BANK1: variants seen among roughly 807,000 people sequenced by gnomAD.
The protein encoded by BANK1 is B-cell scaffold protein with ankyrin repeats.
In BANK1, 95 loss-of-function variants were observed where a neutral mutation model predicts 94.5. The observed-to-expected ratio is 1.00, with a 90% CI of 0.85 to 1.19. The LOEUF (loss-of-function observed/expected upper bound fraction) is 1.19, where lower values mean the gene tolerates loss of function less well. BANK1 is among the 50% of genes most tolerant of loss of function. BANK1 has a pLI of 0.00. For synonymous variants in BANK1, 334 were observed against 308.4 expected, an observed-to-expected ratio of 1.08 and a Z score of -0.87; for missense variants, 987 against 932.2, an observed-to-expected ratio of 1.06 and a Z score of -0.77.
At chr4:102,058,101 T>C (rs1032908162) in intron 11 of BANK1, among the ~76,000 whole-genome samples, 1 of 152,268 alleles carries the variant, frequency 6.6e-6, no homozygotes, top group African/African-American at 2.4e-5. Context: ...AAATATTTTC[T>C]ATTTTAATTA....
At position 102,074,064 on chromosome 4, in the gene BANK1, G is replaced by A. The variant is rs1290236922; in HGVS notation, c.*65G>A. On this transcript the variant is annotated 3_prime_UTR_variant, in exon 17 of 17. Coordinates refer to ENST00000322953, the MANE Select transcript of BANK1 (RefSeq NM_017935.5). ...TTTGCTTTCAGGGTGAAGCAAGCTT[G>A]AATTTGGATTGCCTGCTCTCTTTAA... 9.7e-6 allele frequency: 2 copies of A among 205,606 alleles called. No individual in the cohort carries two copies. Among genetic ancestry groups the A allele is most frequent in the East Asian group, 2.6e-4 (2 of 7,666 alleles). 12.7% of individuals were successfully genotyped at this position (205,606 alleles called of 1,614,324 possible). A position where few individuals can be genotyped will look rare whatever the true frequency, so the allele number is the denominator to read the frequency against.
intron 13 of BANK1, among the ~76,000 whole-genome samples, chr4:102,065,129 T>TAAG (rs1282485516): frequency 6.6e-6 from 1 of 152,216 alleles, no homozygotes; most frequent in Non-Finnish European, 1.5e-5. Flanking sequence ...TGGGAGTGTT[T>TAAG]AAGTTCTGGC....
At chr4:101,826,670 T>G (rs1053645387) in intron 1 of BANK1, among the ~76,000 whole-genome samples, 21 of 152,122 alleles carry the variant, frequency 1.4e-4, no homozygotes, top group African/African-American at 4.6e-4. Context: ...GATGAGATAC[T>G]ACACTACTAT....
At chr4:102,059,086 T>C (rs1361888694) in intron 11 of BANK1, among the ~76,000 whole-genome samples, 1 of 152,344 alleles carries the variant, frequency 6.6e-6, no homozygotes, top group East Asian at 1.9e-4. Flanking sequence ...CAATCAATCC[T>C]AGTTATATCA....
chr4:101,894,072 G>A (rs1341794722), intron 5 of BANK1, among the ~76,000 whole-genome samples: 1 of 152,044 alleles, frequency 6.6e-6, no homozygotes, highest in African/African-American at 2.4e-5. Flanking sequence ...GCCTTTGCTG[G>A]CCAGTTCTTT....
At chr4:102,032,600 C>T (rs1027533270) in intron 10 of BANK1, among the ~76,000 whole-genome samples, 7 of 151,918 alleles carry the variant, frequency 4.6e-5, no homozygotes, top group African/African-American at 1.2e-4. Flanking sequence ...AATGAAGCAC[C>T]GGCCGGGCAT....
chr4:101,794,478 A>T lies in BANK1; in HGVS notation c.70+3528A>T, dbSNP rs559322126. 3.2e-4 allele frequency among the ~76,000 whole-genome samples: 49 copies of T among 152,288 alleles called. 1 individual carries two copies. The South Asian group carries it at 9.7e-3, about 30-fold the overall frequency. ...CTGCTTTCTTCATAGAATATAGAGT[A>T]TCTTGCAGTAATTTTGGAGATAGCT... is the stretch of plus-strand genomic sequence containing the variant. On this transcript the variant is annotated intron_variant, in intron 1 of 16. Transcript: ENST00000322953.
intron 2 of BANK1, among the ~76,000 whole-genome samples, chr4:101,847,753 ACAC>A (rs1727307021): frequency 6.6e-6 from 1 of 151,120 alleles, no homozygotes; most frequent in Non-Finnish European, 1.5e-5. Context: ...ACACACACAC[ACAC>A]ACACACACAC....
chr4:102,060,450 A>C, intron 12 of BANK1, 61 bp downstream of exon 12: 1 of 1,532,050 alleles, frequency 6.5e-7, no homozygotes, highest in Non-Finnish European at 8.7e-7. Flanking sequence ...TAGTTTGTTA[A>C]TGTTTAATTT....
intron 7 of BANK1, among the ~76,000 whole-genome samples, chr4:101,980,418 G>A (rs1052565777): frequency 1.3e-4 from 19 of 151,392 alleles, no homozygotes; most frequent in Non-Finnish European, 2.4e-4. Context: ...ATAATAAAAT[G>A]CCATATATAT....
intron 2 of BANK1, among the ~76,000 whole-genome samples, chr4:101,847,179 C>T (rs1727279765): frequency 6.9e-6 from 1 of 145,764 alleles, no homozygotes; most frequent in South Asian, 2.2e-4. Context: ...ATATTATTGC[C>T]TGCCTCTTGG....
intron 14 of BANK1, 82 bp downstream of exon 14, chr4:102,071,386 A>C: frequency 7.4e-7 from 1 of 1,350,026 alleles, no homozygotes; most frequent in Non-Finnish European, 1.1e-6. Flanking sequence ...TGTAAACCTA[A>C]TGTGATTAAG....
chr4:101,796,161 TGAAAAAACTGAG>T, intron 1 of BANK1, among the ~76,000 whole-genome samples: 1 of 152,322 alleles, frequency 6.6e-6, no homozygotes, highest in East Asian at 1.9e-4. Flanking sequence ...GAAACTGTGA[TGAAAAAACTGAG>T]GAGACCGAAA....
At chr4:101,933,455 C>G (rs1004056549) in intron 7 of BANK1, among the ~76,000 whole-genome samples, 5 of 151,494 alleles carry the variant, frequency 3.3e-5, no homozygotes, top group Non-Finnish European at 5.9e-5. Context: ...GCCCATTACA[C>G]AAGGGTTGTT....
intron 7 of BANK1, among the ~76,000 whole-genome samples, chr4:102,000,322 CAA>C (rs3974642): frequency 0.037 from 2,412 of 66,024 alleles, 27 homozygotes; most frequent in African/African-American, 0.12. Flanking sequence ...AACTCTGTCT[CAA>C]AAAAAAAAAA....
intron 2 of BANK1, among the ~76,000 whole-genome samples, chr4:101,853,511 G>A (rs1205927736): frequency 6.6e-6 from 1 of 152,106 alleles, no homozygotes; most frequent in Non-Finnish European, 1.5e-5. Flanking sequence ...TAAAGAGAAG[G>A]CACATCAGGG....
At chr4:101,997,145 G>T (rs1384853125) in intron 7 of BANK1, among the ~76,000 whole-genome samples, 1 of 152,154 alleles carries the variant, frequency 6.6e-6, no homozygotes, top group Non-Finnish European at 1.5e-5. Flanking sequence ...ATGAAAGGGT[G>T]TTGAATTTTT....
intron 1 of BANK1, among the ~76,000 whole-genome samples, chr4:101,827,985 A>C (rs942018105): frequency 6.6e-6 from 1 of 151,906 alleles, no homozygotes; most frequent in African/African-American, 2.4e-5. Flanking sequence ...CTCTTCTCTT[A>C]TTCTCCAGGA....
At chr4:101,807,807 G>A (rs1053169893) in intron 1 of BANK1, among the ~76,000 whole-genome samples, 6 of 152,138 alleles carry the variant, frequency 3.9e-5, no homozygotes, top group South Asian at 2.1e-4. Flanking sequence ...AGGGCCGGGC[G>A]TGGTGGCTCA....
Sources: gnomAD v4.1 joint callset for allele counts (sites outside exome capture counted in the v4.1 genomes callset) on GRCh38, gnomAD v4.1.1 for gene constraint, MANE v1.5 for transcripts, NCBI Gene and HGNC (gene_info 2026-07-23, HGNC 2026-07-21) for gene names.